LPL: variants seen among roughly 807,000 people sequenced by gnomAD.
LPL encodes lipoprotein lipase.
In LPL, 43 loss-of-function variants were observed where a neutral mutation model predicts 52.2. That is an observed-to-expected ratio of 0.82 (90% CI 0.64 to 1.06). The LOEUF is 1.06. Among genes scored for constraint, LPL ranks in the 50% least tolerant of loss-of-function variants. The pLI is 0.00. For synonymous variants in LPL, 244 were observed against 215.6 expected (o/e 1.13, Z -1.15); for missense variants, 639 against 585.3 (o/e 1.09, Z -0.95).
rs372925859 is a variant in LPL, at chr8:19,950,007, C to T, written c.249+1667C>T. Among the ~76,000 whole-genome samples, 138 of 152,274 alleles carry T rather than the reference C, an allele frequency of 9.1e-4. 1 individual carries two copies. The South Asian group carries it at 0.024, about 27-fold the overall frequency. On this transcript the variant is annotated intron_variant, in intron 2 of 9. Coordinates refer to ENST00000650287, the MANE Select transcript of LPL (RefSeq NM_000237.3). This position sits in a 1 kb window ranked among gnomAD's most constrained non-coding sequence, Gnocchi z 4.2. ...ACATGACCAACCCAATATCAACAGA[C>T]GGTGCCACTTCCTATCATTGGTCCT...
intron 1 of LPL, among the ~76,000 whole-genome samples, chr8:19,942,528 T>C (rs758154380): frequency 2.6e-5 from 4 of 152,360 alleles, no homozygotes; most frequent in South Asian, 2.1e-4. Flanking sequence ...TGGGATCATC[T>C]ATCCATTAAA....
In LPL at chr8:19,942,549, A is replaced by G. The variant is rs184891403; in HGVS notation, c.88+3021A>G. Among the ~76,000 whole-genome samples, 348 of 152,336 alleles carry G rather than the reference A, an allele frequency of 2.3e-3. 2 individuals carry two copies. The highest frequency in any genetic ancestry group is 8.2e-3 in the African/African-American group (342 of 41,580). Reference sequence around the variant, plus strand: ...CATCTATCCATTAAATGAGTTTGTCACCACAGTGAACTAAATACCTTTTAT... The same window carrying G: ...CATCTATCCATTAAATGAGTTTGTCGCCACAGTGAACTAAATACCTTTTAT... On this transcript the variant is annotated intron_variant, in intron 1 of 9. Transcript: ENST00000650287.
At position 19,939,962 on chromosome 8, in the gene LPL, T is replaced by C. The variant is rs986206403; in HGVS notation, c.88+434T>C. On this transcript the variant is annotated intron_variant, in intron 1 of 9. Coordinates refer to ENST00000650287, the MANE Select transcript of LPL (RefSeq NM_000237.3). The surrounding 1 kb of genome is among the most constrained non-coding windows in gnomAD (Gnocchi z 4.0). ...GCGGGCCAAGGTGACCTCGCCTTGG[T>C]TGGCACTGCGGCTCAGCCCCCGCCC... Among the ~76,000 whole-genome samples the C allele has an allele frequency of 3.9e-5, 6 of 152,120 alleles. No homozygotes were observed. The highest frequency in any genetic ancestry group is 1.4e-4 in the African/African-American group (6 of 41,454).
Position 19,960,894 on chromosome 8 carries a change from T to G in LPL, c.1140-7T>G, listed in dbSNP as rs201354046. 17 of 1,612,634 alleles carry G rather than the reference T, an allele frequency of 1.1e-5. No individual in the cohort carries two copies. The East Asian group carries it at 3.6e-4, about 34-fold the overall frequency. On this transcript the variant is annotated splice_polypyrimidine_tract_variant and splice_region_variant and intron_variant, in intron 7 of 9. Coordinates refer to ENST00000650287, the MANE Select transcript of LPL (RefSeq NM_000237.3). The stretch of plus-strand genomic sequence containing the variant: ...TAACTAACCAAATTTATTGCTTTTT[T>G]GTTTAGGCCTGAAGTTTCCACAAAT...
chr8:19,951,952 A>G lies in LPL; in HGVS notation c.429+4A>G. 6.2e-7 allele frequency: 1 copy of G among 1,614,190 alleles called. No individual in the cohort carries two copies. Among genetic ancestry groups the G allele is most frequent in the Non-Finnish European group, 8.5e-7 (1 of 1,180,026 alleles). On this transcript the variant is annotated splice_donor_region_variant and intron_variant, in intron 3 of 9. Transcript: ENST00000650287. ...CCGGTTTATCAACTGGATGGAGGTA[A>G]GACTGGGAGAAGGAGACTTATGTGT...
Position 19,950,913 on chromosome 8 carries a change from GGAAT to G in LPL, c.250-852_250-849del, listed in dbSNP as rs1450310317. 1.4e-5 allele frequency among the ~76,000 whole-genome samples: 2 copies of G among 140,924 alleles called. No individual in the cohort carries two copies. Among genetic ancestry groups the G allele is most frequent in the Non-Finnish European group, 3.2e-5 (2 of 61,686 alleles). 92.5% of individuals were successfully genotyped at this position (140,924 alleles called of 152,430 possible). ...AGGAAGGAATGAAGGAAGGAAGGAA[GGAAT>G]GAAGGAAGGAAGGAAGGGAGGGAGG... On this transcript the variant is annotated intron_variant, in intron 2 of 9. Transcript: ENST00000650287. The surrounding 1 kb of genome is among the most constrained non-coding windows in gnomAD (Gnocchi z 4.2).
chr8:19,952,089 T>G (rs1253007273), intron 3 of LPL, 141 bp downstream of exon 3: 2 of 922,952 alleles, frequency 2.2e-6, no homozygotes, highest in East Asian at 5.2e-5. Context: ...GCGTGGATAT[T>G]ATTTTATATC....
rs2069927418 is a variant in LPL, at chr8:19,950,851, A to AAGGGAAGGAGGAAGGGAAGG, written c.250-912_250-893dup. 7.1e-6 allele frequency among the ~76,000 whole-genome samples: 1 copy of AAGGGAAGGAGGAAGGGAAGG among 140,612 alleles called. No homozygotes were observed. The highest frequency in any genetic ancestry group is 2.6e-5 in the African/African-American group (1 of 38,296). 92.2% of individuals were successfully genotyped at this position (140,612 alleles called of 152,430 possible). A position where few individuals can be genotyped will look rare whatever the true frequency, so the allele number is the denominator to read the frequency against. ...AAGAAAGGAAGGAATGAAAGGAAGGAAGGGAAGGAGGAAGGGAAGGAGGGA... is the reference window on the plus strand; with the variant it reads ...AAGAAAGGAAGGAATGAAAGGAAGGAAGGGAAGGAGGAAGGGAAGGAGGGAAGGAGGAAGGGAAGGAGGGA... On this transcript the variant is annotated intron_variant, in intron 2 of 9. Transcript: ENST00000650287. This position sits in a 1 kb window ranked among gnomAD's most constrained non-coding sequence, Gnocchi z 4.2.
In LPL at chr8:19,954,285, G is replaced by A; in HGVS notation, c.707G>A (p.Gly236Glu). The stretch of plus-strand genomic sequence containing the variant: ...GGGCATGTTGACATTTACCCGAATG[G>A]AGGTACTTTTCAGCCAGGATGTAAC... ...PVGHVDIYPN[G>E]GTFQPGCNIG... Residue 236 changes from glycine to glutamate, a missense_variant, in exon 5 of 10, where the codon GGA becomes GAA. Coordinates refer to ENST00000650287, the MANE Select transcript of LPL (RefSeq NM_000237.3). 1 of 1,614,178 alleles carries A rather than the reference G, an allele frequency of 6.2e-7. No homozygotes were observed. Among genetic ancestry groups the A allele is most frequent in the Non-Finnish European group, 8.5e-7 (1 of 1,180,036 alleles).
intron 1 of LPL, among the ~76,000 whole-genome samples, chr8:19,947,714 C>T (rs1404537270): frequency 7.1e-6 from 1 of 140,678 alleles, no homozygotes; most frequent in Admixed American, 8.1e-5. Flanking sequence ...AAGAGCCATG[C>T]ATGAGTCAGT....
At chr8:19,956,820 CTTAT>C (rs1389855743) in intron 6 of LPL, among the ~76,000 whole-genome samples, 1 of 152,194 alleles carries the variant, frequency 6.6e-6, no homozygotes, top group South Asian at 2.1e-4. Context: ...GACCATCTGT[CTTAT>C]TTATTTATTT....
chr8:19,954,089 A>C (rs199679917), intron 4 of LPL, 31 bp from the exon 5 acceptor site: 1 of 1,505,578 alleles, frequency 6.6e-7, no homozygotes, highest in East Asian at 2.3e-5. Flanking sequence ...GAAATTTACA[A>C]ATCTGTGTTC....
chr8:19,945,098 G>A (rs1563566754), intron 1 of LPL, among the ~76,000 whole-genome samples: 1 of 152,110 alleles, frequency 6.6e-6, no homozygotes. Flanking sequence ...TTGGATGAGT[G>A]CAGTCACTAA....
At position 19,939,529 on chromosome 8, in the gene LPL, G is replaced by T. The variant is rs766134215; in HGVS notation, c.88+1G>T. On this transcript the variant is annotated splice_donor_variant, in intron 1 of 9. Coordinates refer to ENST00000650287, the MANE Select transcript of LPL (RefSeq NM_000237.3). LOFTEE classifies it high-confidence loss of function. This position sits in a 1 kb window ranked among gnomAD's most constrained non-coding sequence, Gnocchi z 4.0. ...CGCGGAGGGGTGGCCGCCGCCGACC[G>T]TAAGTTTTGCGCGCAAACTCCCCTC... 6.2e-7 allele frequency: 1 copy of T among 1,606,488 alleles called. No individual in the cohort carries two copies. The highest frequency in any genetic ancestry group is 1.7e-5 in the Admixed American group (1 of 59,306).
chr8:19,958,710 C>T (rs943203609), intron 6 of LPL, among the ~76,000 whole-genome samples: 8 of 152,144 alleles, frequency 5.3e-5, no homozygotes, highest in African/African-American at 1.9e-4. Context: ...TTCTATGATG[C>T]ACCTACTAGA....
In LPL at chr8:19,939,916, G is replaced by A. The variant is rs1001140011; in HGVS notation, c.88+388G>A. On this transcript the variant is annotated intron_variant, in intron 1 of 9. Coordinates refer to ENST00000650287, the MANE Select transcript of LPL (RefSeq NM_000237.3). The surrounding 1 kb of genome is among the most constrained non-coding windows in gnomAD (Gnocchi z 4.0). ...ACCTGCAGTCACCTCTCTGCCGGAGGGGCCCTGGAATGAAAGGCGCGCGGG... is the reference window on the plus strand; with the variant it reads ...ACCTGCAGTCACCTCTCTGCCGGAGAGGCCCTGGAATGAAAGGCGCGCGGG... 6.6e-6 allele frequency among the ~76,000 whole-genome samples: 1 copy of A among 152,204 alleles called. No homozygotes were observed. The highest frequency in any genetic ancestry group is 1.5e-5 in the Non-Finnish European group (1 of 68,026).
chr8:19,951,788 G>A lies in LPL; in HGVS notation c.269G>A (p.Ser90Asn). The A allele has an allele frequency of 6.2e-7, 1 of 1,614,210 alleles. No individual in the cohort carries two copies. Among genetic ancestry groups the A allele is most frequent in the Non-Finnish European group, 8.5e-7 (1 of 1,180,036 alleles). The change falls in exon 3 of 10, where the codon AGT becomes AAT. Residue 90 changes from serine (S) to asparagine (N), a missense_variant. Physicochemically the swap from Ser to Asn is conservative, Grantham distance 46. Coordinates refer to ENST00000650287, the MANE Select transcript of LPL (RefSeq NM_000237.3). ...HGWTVTGMYE[S>N]WVPKLVAALY... ...CTTCAGGTAACAGGAATGTATGAGA[G>A]TTGGGTGCCAAAACTTGTGGCCGCC...
In LPL at chr8:19,955,869, C is replaced by A; in HGVS notation, c.804C>A (p.His268Gln). ...GDVDQLVKCS[H>Q]ERSIHLFIDS... ...TGGACCAGCTAGTGAAGTGCTCCCA[C>A]GAGCGCTCCATTCATCTCTTCATCG... The change falls in exon 6 of 10, where the codon CAC (histidine) becomes CAA (glutamine). Residue 268 changes from histidine (H) to glutamine (Q), a missense_variant. His to Gln is a conservative substitution (Grantham distance 24). Coordinates refer to ENST00000650287, the MANE Select transcript of LPL (RefSeq NM_000237.3). 1 of 1,614,154 alleles carries A rather than the reference C, an allele frequency of 6.2e-7. No homozygotes were observed. The highest frequency in any genetic ancestry group is 8.5e-7 in the Non-Finnish European group (1 of 1,180,016).
rs1464971282 is a variant in LPL at position 19,966,348 on chromosome 8, C to G, written c.*1038C>G. On this transcript the variant is annotated 3_prime_UTR_variant, in exon 10 of 10. Transcript: ENST00000650287. ...GCTTCTACAGATTTTAGACAAGGAC[C>G]GTTTTTACTAAGTAAAAGGGTGGAG... 6.6e-6 allele frequency: 1 copy of G among 152,028 alleles called. No homozygotes were observed. The highest frequency in any genetic ancestry group is 1.5e-5 in the Non-Finnish European group (1 of 68,012). 9.4% of individuals were successfully genotyped at this position (152,028 alleles called of 1,614,324 possible).
Sources: gnomAD v4.1 joint callset for allele counts (sites outside exome capture counted in the v4.1 genomes callset) on GRCh38, gnomAD v4.1.1 for gene constraint, Gnocchi (gnomAD v3.1) non-coding constraint, MANE v1.5 for transcripts, NCBI Gene and HGNC (gene_info 2026-07-23, HGNC 2026-07-21) for gene names.